Variants in TACR1 observed in about 807,000 individuals in gnomAD.
TACR1 encodes the protein substance-P receptor.
Under a neutral mutation model 35.8 loss-of-function variants are expected in TACR1, and 25 were observed. That is an observed-to-expected ratio of 0.70 (90% CI 0.51 to 0.98). The LOEUF (loss-of-function observed/expected upper bound fraction) is 0.98, where lower values mean the gene tolerates loss of function less well. Among genes scored for constraint, TACR1 ranks in the 50% least tolerant of loss-of-function variants. The pLI is 0.00. For missense variants in TACR1, 478 were observed against 522.9 expected (o/e 0.91, Z 0.84); for synonymous variants, 195 against 206.7 (o/e 0.94, Z 0.48).
At chr2:75,118,278 A>C (rs900937068) in intron 2 of TACR1, among the ~76,000 whole-genome samples, 13 of 152,390 alleles carry the variant, frequency 8.5e-5, no homozygotes, top group Middle Eastern at 6.8e-3. Flanking sequence ...AAGCTATGCT[A>C]TGCACTTATG....
chr2:75,163,274 T>C (rs1675054949), intron 1 of TACR1, among the ~76,000 whole-genome samples: 1 of 152,208 alleles, frequency 6.6e-6, no homozygotes, highest in Admixed American at 6.5e-5. Context: ...CTATGGCAAC[T>C]TTTATCAATT....
rs539047445 is a variant in TACR1 at position 75,048,626 on chromosome 2, C to T, written c.*806G>A. 1 of 151,964 alleles carries T rather than the reference C, an allele frequency of 6.6e-6. No homozygotes were observed. Among genetic ancestry groups the T allele is most frequent in the South Asian group, 2.1e-4 (1 of 4,806 alleles). The allele number at this position is 151,964 out of a possible 1,614,324, so 9.4% of individuals were successfully genotyped here. The stretch of plus-strand genomic sequence containing the variant: ...ACAAAAAACTCATACAATCCTTGAA[C>T]CACGGGATGTTAAGATTCGAAGGAA... On this transcript the variant is annotated 3_prime_UTR_variant, in exon 5 of 5. Coordinates refer to ENST00000305249, the MANE Select transcript of TACR1 (RefSeq NM_001058.4).
At chr2:75,112,109 A>C (rs1673762670) in intron 2 of TACR1, among the ~76,000 whole-genome samples, 1 of 152,034 alleles carries the variant, frequency 6.6e-6, no homozygotes, top group Non-Finnish European at 1.5e-5. Context: ...TAGTGATGGA[A>C]TAATCCTTAC....
At chr2:75,101,376 T>C (rs1238853026) in intron 2 of TACR1, among the ~76,000 whole-genome samples, 9 of 152,204 alleles carry the variant, frequency 5.9e-5, no homozygotes. Context: ...AGATGAATGA[T>C]CACTGTGTAC....
chr2:75,062,730 AAC>A (rs1672693552), intron 2 of TACR1, among the ~76,000 whole-genome samples: 1 of 152,230 alleles, frequency 6.6e-6, no homozygotes. Flanking sequence ...TTTTCCAGAA[AAC>A]ACGTGCCAAT....
At chr2:75,069,314 G>C (rs1288255086) in intron 2 of TACR1, among the ~76,000 whole-genome samples, 2 of 150,724 alleles carry the variant, frequency 1.3e-5, no homozygotes, top group East Asian at 1.9e-4. Context: ...ATATGTATAT[G>C]TATATCTATA....
At chr2:75,158,840 C>G (rs560036139) in intron 1 of TACR1, among the ~76,000 whole-genome samples, 144 of 152,134 alleles carry the variant, frequency 9.5e-4, no homozygotes, top group Non-Finnish European at 1.0e-3. Context: ...CGAACTCAAA[C>G]GGTCCCATGT....
rs1411567372 is a variant in TACR1, at chr2:75,199,385, G to T, written c.-451C>A. On this transcript the variant is annotated 5_prime_UTR_variant, in exon 1 of 5. Coordinates refer to ENST00000305249, the MANE Select transcript of TACR1 (RefSeq NM_001058.4). ...GAGCGAAGTGGGGGCCCATTGCAGC[G>T]CGACCTGTAAAAGTTCTGAGCCTAT... 1 of 162,914 alleles carries T rather than the reference G, an allele frequency of 6.1e-6. No individual in the cohort carries two copies. The allele number at this position is 162,914 out of a possible 1,614,324, so 10.1% of individuals were successfully genotyped here.
intron 1 of TACR1, chr2:75,156,430 A>C (rs1431586701): frequency 8.0e-6 from 1 of 125,584 alleles, no homozygotes; most frequent in Admixed American, 9.2e-5. Context: ...CCTTACCAAA[A>C]ATACAAAAAA....
At chr2:75,125,532 A>G (rs1411117717) in intron 1 of TACR1, among the ~76,000 whole-genome samples, 1 of 152,070 alleles carries the variant, frequency 6.6e-6, no homozygotes, top group Non-Finnish European at 1.5e-5. Context: ...CACCCTCCAC[A>G]GGTCCTTGGC....
At chr2:75,063,236 T>C (rs1362050864) in intron 2 of TACR1, among the ~76,000 whole-genome samples, 1 of 152,238 alleles carries the variant, frequency 6.6e-6, no homozygotes, top group African/African-American at 2.4e-5. Flanking sequence ...TCAATAATTA[T>C]GCTTTTTAAT....
Position 75,199,033 on chromosome 2 carries a change from A to G in TACR1, c.-99T>C. On this transcript the variant is annotated 5_prime_UTR_variant, in exon 1 of 5. Coordinates refer to ENST00000305249, the MANE Select transcript of TACR1 (RefSeq NM_001058.4). ...TGGGGCTCAGGGTCCTTCTAAAGCC[A>G]GACAGGAGGGTGGAAGGCTTTTTCT... 1 of 1,453,572 alleles carries G rather than the reference A, an allele frequency of 6.9e-7. No homozygotes were observed. The highest frequency in any genetic ancestry group is 9.2e-7 in the Non-Finnish European group (1 of 1,083,238). The allele number at this position is 1,453,572 out of a possible 1,614,324, so 90.0% of individuals were successfully genotyped here.
At chr2:75,079,164 T>C (rs991072305) in intron 2 of TACR1, among the ~76,000 whole-genome samples, 1 of 152,182 alleles carries the variant, frequency 6.6e-6, no homozygotes, top group African/African-American at 2.4e-5. Context: ...TCATTTGTCC[T>C]AATTTTGCTC....
intron 1 of TACR1, among the ~76,000 whole-genome samples, chr2:75,124,939 G>A (rs1674044730): frequency 1.3e-5 from 2 of 152,134 alleles, no homozygotes; most frequent in Admixed American, 6.5e-5. Flanking sequence ...GGTGGTCTAC[G>A]GCCAGTCATG....
At chr2:75,154,697 T>A (rs1674800872) in intron 1 of TACR1, 1 of 152,632 alleles carries the variant, frequency 6.6e-6, no homozygotes, top group African/African-American at 2.4e-5. Flanking sequence ...GCCTGGACTG[T>A]GGCTGGAGTC....
intron 2 of TACR1, among the ~76,000 whole-genome samples, chr2:75,061,446 G>C (rs927000992): frequency 6.6e-6 from 1 of 152,120 alleles, no homozygotes; most frequent in Non-Finnish European, 1.5e-5. Flanking sequence ...GGAGAGGAGA[G>C]AGCAGTCGTT....
chr2:75,182,304 A>G (rs963302890), intron 1 of TACR1, among the ~76,000 whole-genome samples: 38 of 152,206 alleles, frequency 2.5e-4, no homozygotes, highest in African/African-American at 9.2e-4. Flanking sequence ...CCTGCAAGGA[A>G]GGCTGGGATG....
At chr2:75,194,277 T>C (rs1440375245) in intron 1 of TACR1, among the ~76,000 whole-genome samples, 1 of 152,156 alleles carries the variant, frequency 6.6e-6, no homozygotes. Context: ...AACTCCATTT[T>C]GATCCACATC....
At chr2:75,141,898 A>G (rs11904167) in intron 1 of TACR1, among the ~76,000 whole-genome samples, 8,139 of 152,162 alleles carry the variant, frequency 0.053, 361 homozygotes, top group African/African-American at 0.12. Context: ...TGAGAGTCCA[A>G]CCCCAGGGCT....
Sources: allele counts gnomAD v4.1 joint callset (sites outside exome capture counted in the v4.1 genomes callset), GRCh38; gene constraint gnomAD v4.1.1; transcripts MANE v1.5; gene names NCBI Gene and HGNC (gene_info 2026-07-23, HGNC 2026-07-21).